EEF2: variants seen among roughly 807,000 people sequenced by gnomAD.
EEF2 encodes elongation factor 2.
EEF2 carries 21 observed loss-of-function variants against 85.3 expected under a neutral mutation model. That is an observed-to-expected ratio of 0.25 (90% CI 0.17 to 0.35). The LOEUF (loss-of-function observed/expected upper bound fraction) is 0.35. Among genes scored for constraint, EEF2 ranks in the 10% least tolerant of loss-of-function variants. The pLI is 1.00. For missense variants in EEF2, 825 were observed against 1,225.3 expected, an observed-to-expected ratio of 0.67 and a Z score of 4.88; for synonymous variants, 723 against 508.8, an observed-to-expected ratio of 1.42 and a Z score of -5.67.
Position 3,977,662 on chromosome 19 carries a change from G to A in EEF2, c.2068-52C>T. 1.4e-6 allele frequency: 2 copies of A among 1,475,738 alleles called. No individual in the cohort carries two copies. The highest frequency in any genetic ancestry group is 1.8e-6 in the Non-Finnish European group (2 of 1,119,260). 91.4% of individuals were successfully genotyped at this position (1,475,738 alleles called of 1,614,324 possible). ...AGGGCCGGACACACCTCGGCTGCTTGCCCTCCACCTGCCAAGTCCTGCAGG... is the reference window on the plus strand; with the variant it reads ...AGGGCCGGACACACCTCGGCTGCTTACCCTCCACCTGCCAAGTCCTGCAGG... On this transcript the variant is annotated intron_variant, in intron 12 of 14. Transcript: ENST00000309311. This position sits in a 1 kb window ranked among gnomAD's most constrained non-coding sequence, Gnocchi z 5.4.
chr19:3,984,414 G>T (rs12975326), intron 1 of EEF2, 64 bp from the exon 2 acceptor site: 2 of 1,555,252 alleles, frequency 1.3e-6, no homozygotes, highest in East Asian at 2.3e-5. Flanking sequence ...GGCACGGAGC[G>T]TTCAGTCCAA....
Position 3,981,438 on chromosome 19 carries a change from G to A in EEF2, c.912C>T (p.Ile304=). ...LDPIFKVFDA[I]MNFKKEETAK... ...CTGTCTCCTCTTTCTTGAAATTCAT[G>A]ATCGCATCAAACACCTACATTCCCC... is the stretch of plus-strand genomic sequence containing the variant. The change falls in exon 7 of 15, where the codon ATC becomes ATT. Residue 304 remains isoleucine (I), a synonymous_variant. Coordinates refer to ENST00000309311, the MANE Select transcript of EEF2 (RefSeq NM_001961.4). 1.2e-6 allele frequency: 2 copies of A among 1,614,046 alleles called. No individual in the cohort carries two copies. The highest frequency in any genetic ancestry group is 1.7e-5 in the Admixed American group (1 of 60,024).
In EEF2 at chr19:3,976,245, G is replaced by C. The variant is rs1325458977; in HGVS notation, c.*309C>G. On this transcript the variant is annotated 3_prime_UTR_variant, in exon 15 of 15. Transcript: ENST00000309311. ...TTAATGCGTTTGTTAAAATTAGTTTGGACATCTGAGTTTCCCTCTGAAGAA... is the reference window on the plus strand; with the variant it reads ...TTAATGCGTTTGTTAAAATTAGTTTCGACATCTGAGTTTCCCTCTGAAGAA... 1 of 382,790 alleles carries C rather than the reference G, an allele frequency of 2.6e-6. No individual in the cohort carries two copies. The highest frequency in any genetic ancestry group is 4.8e-6 in the Non-Finnish European group (1 of 209,292). The allele number at this position is 382,790 out of a possible 1,614,324, so 23.7% of individuals were successfully genotyped here.
chr19:3,981,818 G>A (rs751927100), intron 6 of EEF2, 129 bp downstream of exon 6: 5 of 823,608 alleles, frequency 6.1e-6, no homozygotes, highest in African/African-American at 3.4e-5. Context: ...TAGGAGCTGT[G>A]CCTCCTCCCA....
At position 3,982,560 on chromosome 19, in the gene EEF2, A is replaced by C. The variant is rs546298312; in HGVS notation, c.613-136T>G. On this transcript the variant is annotated intron_variant, in intron 4 of 14. Transcript: ENST00000309311. ...ATCTGGTCAAAGTGAAGAAATGATC[A>C]GTCATCACGAATAGGGGGGCCAGCC... The C allele has an allele frequency of 8.8e-6, 11 of 1,250,576 alleles. No individual in the cohort carries two copies. The African/African-American group carries it at 1.5e-4, about 17-fold the overall frequency. 77.5% of individuals were successfully genotyped at this position (1,250,576 alleles called of 1,614,324 possible). A position where few individuals can be genotyped will look rare whatever the true frequency, so the allele number is the denominator to read the frequency against.
At chr19:3,979,305 G>T (rs531618183) in intron 11 of EEF2, 24 bp downstream of exon 11, 1 of 1,597,354 alleles carries the variant, frequency 6.3e-7, no homozygotes, top group South Asian at 1.1e-5. Flanking sequence ...GGGGCGTGGG[G>T]AAGGCTGGTC....
chr19:3,982,943 T>C lies in EEF2; in HGVS notation c.476A>G (p.Lys159Arg). ...CAGCTCCAGCAGGGCGCGGTCCATC[T>C]TGTTCATCATCAGCACAGGCTTGAT... ...ERIKPVLMMNKMDRALLELQL... is the reference protein window; with the variant it reads ...ERIKPVLMMNRMDRALLELQL... Residue 159 changes from lysine (K) to arginine (R), a missense_variant, in exon 4 of 15, where the codon AAG (lysine) becomes AGG (arginine). Coordinates refer to ENST00000309311, the MANE Select transcript of EEF2 (RefSeq NM_001961.4). 6.2e-7 allele frequency: 1 copy of C among 1,613,446 alleles called. No individual in the cohort carries two copies. The highest frequency in any genetic ancestry group is 2.2e-5 in the East Asian group (1 of 44,870).
rs745451916 is a variant in EEF2 at position 3,977,897 on chromosome 19, G to A, written c.1989C>T (p.Thr663=). 91 of 1,613,552 alleles carry A rather than the reference G, an allele frequency of 5.6e-5. No homozygotes were observed. The highest frequency in any genetic ancestry group is 6.6e-5 in the South Asian group (6 of 91,060). The change falls in exon 12 of 15, where the codon ACC becomes ACT. Residue 663 remains threonine (T), a synonymous_variant. Coordinates refer to ENST00000309311, the MANE Select transcript of EEF2 (RefSeq NM_001961.4). The surrounding 1 kb of genome is among the most constrained non-coding windows in gnomAD (Gnocchi z 5.4). ...GGTACTGCACACCCTTGGTGATGTC[G>A]GTGAGGATGTTGGGGCCGGTGCCGT... The part of the protein sequence containing the change: ...GPDGTGPNIL[T]DITKGVQYLN...
At chr19:3,981,603 G>T (rs980614966) in intron 6 of EEF2, 151 bp from the exon 7 acceptor site, 2 of 755,530 alleles carry the variant, frequency 2.6e-6, no homozygotes, top group Non-Finnish European at 4.4e-6. Context: ...GGCCCAGCCA[G>T]CTGAGCGGAT....
chr19:3,982,176 A>G, intron 5 of EEF2, 70 bp downstream of exon 5: 5 of 1,602,598 alleles, frequency 3.1e-6, no homozygotes, highest in Non-Finnish European at 4.3e-6. Context: ...TGAATAGCAC[A>G]CCACGCCCCT....
At chr19:3,979,752 A>G in intron 10 of EEF2, 56 bp downstream of exon 10, 1 of 1,579,200 alleles carries the variant, frequency 6.3e-7, no homozygotes, top group East Asian at 2.2e-5. Context: ...ACAACTCAGG[A>G]CACAAGCCGT....
intron 10 of EEF2, 41 bp from the exon 11 acceptor site, chr19:3,979,477 C>T (rs747782005): frequency 1.0e-5 from 16 of 1,550,032 alleles, no homozygotes; most frequent in African/African-American, 1.4e-5. Context: ...GTAGGCGGCT[C>T]GGAACAGGCG....
chr19:3,982,721 AG>A, intron 4 of EEF2, 85 bp downstream of exon 4: 3 of 1,428,740 alleles, frequency 2.1e-6, no homozygotes, highest in Non-Finnish European at 2.9e-6. Flanking sequence ...ACACACTTCC[AG>A]TCCCCCTCAG....
rs1036212863 is a variant in EEF2, at chr19:3,977,408, G to A, written c.2250+20C>T. On this transcript the variant is annotated intron_variant, in intron 13 of 14. Transcript: ENST00000309311. This position sits in a 1 kb window ranked among gnomAD's most constrained non-coding sequence, Gnocchi z 5.4. Reference sequence around the variant, plus strand: ...TGGGCAGGACGGTGGCAGGGTCAGCGGTGGGCGGGTAGACCTCACCTGGAT... The same window carrying A: ...TGGGCAGGACGGTGGCAGGGTCAGCAGTGGGCGGGTAGACCTCACCTGGAT... The A allele has an allele frequency of 3.8e-5, 60 of 1,586,782 alleles. No homozygotes were observed. Among genetic ancestry groups the A allele is most frequent in the African/African-American group, 5.4e-5 (4 of 74,620 alleles).
intron 2 of EEF2, 70 bp from the exon 3 acceptor site, chr19:3,983,361 C>CA (rs2039779488): frequency 1.3e-6 from 2 of 1,515,006 alleles, no homozygotes; most frequent in Non-Finnish European, 1.8e-6. Context: ...GGGATGCTGT[C>CA]AGAAGCCAGG....
chr19:3,981,263 C>A, intron 7 of EEF2, 76 bp downstream of exon 7: 1 of 1,441,652 alleles, frequency 6.9e-7, no homozygotes, highest in South Asian at 1.1e-5. Flanking sequence ...CTTCAGCCCC[C>A]AGGCCTGGGC....
chr19:3,977,843 G>A lies in EEF2; in HGVS notation c.2043C>T (p.Ala681=), dbSNP rs753259149. ...YLNEIKDSVV[A]GFQWATKEGA... ...CCTCCTTGGTGGCCCACTGGAAGCCGGCCACCACACTGTCCTTGATCTCGT... is the reference window on the plus strand; with the variant it reads ...CCTCCTTGGTGGCCCACTGGAAGCCAGCCACCACACTGTCCTTGATCTCGT... Residue 681 remains alanine (A), a synonymous_variant, in exon 12 of 15, where the codon GCC becomes GCT. Coordinates refer to ENST00000309311, the MANE Select transcript of EEF2 (RefSeq NM_001961.4). This position sits in a 1 kb window ranked among gnomAD's most constrained non-coding sequence, Gnocchi z 5.4. 1.4e-5 allele frequency: 23 copies of A among 1,591,478 alleles called. No individual in the cohort carries two copies. Among genetic ancestry groups the A allele is most frequent in the African/African-American group, 9.4e-5 (7 of 74,562 alleles).
At chr19:3,979,238 G>C (rs574724862) in intron 11 of EEF2, 91 bp downstream of exon 11, 17 of 971,554 alleles carry the variant, frequency 1.7e-5, no homozygotes, top group Non-Finnish European at 2.2e-5. Flanking sequence ...ATCAAGTCTA[G>C]GCGTCTGCAG....
intron 10 of EEF2, 45 bp downstream of exon 10, chr19:3,979,763 C>T (rs1436337272): frequency 1.3e-6 from 2 of 1,589,434 alleles, no homozygotes; most frequent in African/African-American, 1.3e-5. Flanking sequence ...CACAAGCCGT[C>T]CCCCCTCAGG....
Sources: allele counts gnomAD v4.1 joint callset, GRCh38; gene constraint gnomAD v4.1.1; non-coding constraint Gnocchi (gnomAD v3.1); transcripts MANE v1.5; gene names NCBI Gene and HGNC (gene_info 2026-07-23, HGNC 2026-07-21).